Variants in PASD1 observed in about 807,000 individuals in gnomAD.
PASD1 encodes the protein circadian clock protein PASD1.
Under a neutral mutation model 58.8 loss-of-function variants are expected in PASD1, and 13 were observed. That is an observed-to-expected ratio of 0.22 (90% CI 0.14 to 0.35). The LOEUF is 0.35. Ranked by LOEUF, PASD1 falls within the 10% of genes least tolerant of loss-of-function variation. The probability of loss-of-function intolerance (pLI) is 1.00; values close to 1 mark genes in which losing one functional copy is unlikely to be tolerated. For synonymous variants in PASD1, 236 were observed against 216.7 expected, an observed-to-expected ratio of 1.09 and a Z score of -0.78; for missense variants, 734 against 568.3, an observed-to-expected ratio of 1.29 and a Z score of -2.96.
chrX:151,621,391 C>T (rs1179727787), intron 5 of PASD1, 91 bp from the exon 6 acceptor site: 14 of 674,178 alleles, frequency 2.1e-5, no homozygotes, highest in Admixed American at 7.4e-5. Flanking sequence ...AAAATCTAAT[C>T]GAAGAAAGAC....
chrX:151,572,982 G>A (rs2012946989), intron 1 of PASD1, among the ~76,000 whole-genome samples: 1 of 91,909 alleles, frequency 1.1e-5, no homozygotes, highest in Non-Finnish European at 2.1e-5. Flanking sequence ...TACACATCAT[G>A]TGGCTAGAGC....
intron 11 of PASD1, among the ~76,000 whole-genome samples, chrX:151,666,200 C>T (rs919820957): frequency 1.3e-4 from 14 of 109,397 alleles, no homozygotes; most frequent in African/African-American, 4.7e-4. Flanking sequence ...AATTCTTTAT[C>T]GATCAGGACT....
rs1003798426 is a variant in PASD1 at position 151,574,466 on chromosome X, T to G, written c.-28+10627T>G. Among the ~76,000 whole-genome samples the G allele has an allele frequency of 2.7e-5, 3 of 111,841 alleles. No individual in the cohort carries two copies. The Admixed American group carries it at 2.9e-4, about 11-fold the overall frequency. On this transcript the variant is annotated intron_variant, in intron 1 of 15. Transcript: ENST00000370357. ...CCCTGAGACAGTAGCAGACAATGAA[T>G]TCTAGAGGGTTCAGGGAGAAGGAAG...
At chrX:151,664,517 G>C (rs2014355015) in intron 11 of PASD1, among the ~76,000 whole-genome samples, 169 bp downstream of exon 11, 1 of 112,486 alleles carries the variant, frequency 8.9e-6, no homozygotes, top group African/African-American at 3.2e-5. Flanking sequence ...ATGCCGTTGA[G>C]AACTCAATGG....
At chrX:151,650,070 A>C (rs769282290) in intron 9 of PASD1, among the ~76,000 whole-genome samples, 5 of 112,371 alleles carry the variant, frequency 4.4e-5, no homozygotes, top group African/African-American at 1.6e-4. Flanking sequence ...CAAAGAGGAA[A>C]TAAGGTAGAA....
chrX:151,626,806 G>A (rs958156653), intron 8 of PASD1, among the ~76,000 whole-genome samples: 2 of 111,739 alleles, frequency 1.8e-5, no homozygotes, highest in African/African-American at 3.3e-5. Flanking sequence ...GTTACTATTC[G>A]GGGGCAGGAG....
At chrX:151,627,391 T>C (rs1240334285) in intron 8 of PASD1, among the ~76,000 whole-genome samples, 1 of 107,365 alleles carries the variant, frequency 9.3e-6, no homozygotes, top group African/African-American at 3.4e-5. Flanking sequence ...GTGTGTGATG[T>C]TCCCCTTCTT....
In PASD1 at chrX:151,672,435, AAGCAGCAGCTGCAAGAGC is replaced by A; in HGVS notation, c.1694_1711del (p.Gln565_Gln570del). ...GAAAGAGCCAGAGGAGGAGCAGCAG[AAGCAGCAGCTGCAAGAGC>A]AGCCACTGAAGCATAATGTCATCGT... On this transcript the variant is annotated inframe_deletion, in exon 14 of 16. Transcript: ENST00000370357. 1.7e-6 allele frequency: 2 copies of A among 1,211,932 alleles called. No homozygotes were observed. The highest frequency in any genetic ancestry group is 2.2e-6 in the Non-Finnish European group (2 of 895,536).
At chrX:151,646,468 C>T (rs1025283550) in intron 8 of PASD1, among the ~76,000 whole-genome samples, 2 of 112,144 alleles carry the variant, frequency 1.8e-5, no homozygotes, top group South Asian at 3.7e-4. Context: ...CCACTAGCTA[C>T]GGAGCACTTG....
At chrX:151,659,491 T>C (rs1199571487) in intron 9 of PASD1, among the ~76,000 whole-genome samples, 11 of 112,443 alleles carry the variant, frequency 9.8e-5, no homozygotes. Flanking sequence ...CTTCTTCAGT[T>C]TGTCAGTGTA....
intron 11 of PASD1, among the ~76,000 whole-genome samples, chrX:151,670,246 T>C (rs191040985): frequency 9.0e-6 from 1 of 111,640 alleles, no homozygotes; most frequent in East Asian, 2.8e-4. Context: ...AACTGAGTTC[T>C]GAGCATCTTA....
intron 4 of PASD1, among the ~76,000 whole-genome samples, chrX:151,620,547 T>C (rs2013692421): frequency 9.0e-6 from 1 of 110,955 alleles, no homozygotes; most frequent in African/African-American, 3.3e-5. Flanking sequence ...ATTGTCTAAA[T>C]AAATGATTTT....
At chrX:151,622,414 G>A (rs1386597193) in intron 6 of PASD1, among the ~76,000 whole-genome samples, 1 of 110,443 alleles carries the variant, frequency 9.1e-6, no homozygotes, top group African/African-American at 3.3e-5. Context: ...CCATCAGAAT[G>A]GGAAAAATTA....
At chrX:151,577,883 G>A (rs1031484788) in intron 1 of PASD1, among the ~76,000 whole-genome samples, 2 of 111,580 alleles carry the variant, frequency 1.8e-5, no homozygotes, top group African/African-American at 3.3e-5. Flanking sequence ...CTATGCTGGG[G>A]ACCTTTATGG....
At chrX:151,648,586 T>A (rs371213510) in intron 8 of PASD1, 29 bp from the exon 9 acceptor site, 17 of 1,181,094 alleles carry the variant, frequency 1.4e-5, no homozygotes, top group African/African-American at 1.8e-5. Flanking sequence ...TGAGATATGC[T>A]TACCATCTCT....
chrX:151,630,407 T>A (rs1050639192), intron 8 of PASD1, among the ~76,000 whole-genome samples: 3 of 112,342 alleles, frequency 2.7e-5, no homozygotes, highest in Non-Finnish European at 5.6e-5. Context: ...GATTGGTTAC[T>A]TGATCTTATC....
chrX:151,668,986 C>G (rs949646827), intron 11 of PASD1, among the ~76,000 whole-genome samples: 2 of 107,312 alleles, frequency 1.9e-5, no homozygotes, highest in Admixed American at 1.0e-4. Context: ...AAGCAGTTCT[C>G]CCACGTCAGC....
chrX:151,633,845 CTGATA>C (rs1328476712), intron 8 of PASD1, among the ~76,000 whole-genome samples: 2 of 112,020 alleles, frequency 1.8e-5, no homozygotes, highest in Non-Finnish European at 3.8e-5. Flanking sequence ...GACAAATTAT[CTGATA>C]TATTTGCCTA....
intron 5 of PASD1, 45 bp downstream of exon 5, chrX:151,621,074 CA>C: frequency 1.1e-6 from 1 of 888,914 alleles, no homozygotes; most frequent in Non-Finnish European, 1.6e-6. Flanking sequence ...TTTTAAGGGA[CA>C]AGTAACAATC....
Sources: allele counts gnomAD v4.1 joint callset (sites outside exome capture counted in the v4.1 genomes callset), GRCh38; gene constraint gnomAD v4.1.1; transcripts MANE v1.5; gene names NCBI Gene and HGNC (gene_info 2026-07-23, HGNC 2026-07-21).